LSP1: variants seen among roughly 807,000 people sequenced by gnomAD.
LSP1 encodes the protein lymphocyte specific protein 1, also known as lymphocyte-specific protein 1.
Under a neutral mutation model 49.3 loss-of-function variants are expected in LSP1, and 32 were observed. The observed-to-expected ratio is 0.65, with a 90% CI of 0.49 to 0.87. The LOEUF (loss-of-function observed/expected upper bound fraction) is 0.87. LSP1 is among the 40% of genes least tolerant of loss of function. The pLI is 0.00. For missense variants in LSP1, 428 were observed against 442.6 expected (o/e 0.97, Z 0.30); for synonymous variants, 179 against 178.8 (o/e 1.00, Z -0.01).
chr11:1,889,272 C>T (rs972647187), intron 10 of LSP1: 78 of 684,436 alleles, frequency 1.1e-4, no homozygotes, highest in Non-Finnish European at 1.7e-4. Context: ...GAAGCGAGGC[C>T]GGTACAGGAA....
At chr11:1,858,138 C>T (rs576507294) in intron 1 of LSP1, among the ~76,000 whole-genome samples, 17 of 152,336 alleles carry the variant, frequency 1.1e-4, no homozygotes, top group South Asian at 4.1e-4. Flanking sequence ...ATTTCACAGA[C>T]GGAAACCGAG....
chr11:1,867,923 G>T (rs533810243), intron 1 of LSP1, among the ~76,000 whole-genome samples: 2 of 152,034 alleles, frequency 1.3e-5, no homozygotes, highest in East Asian at 3.9e-4. Flanking sequence ...TCCAGGTCTG[G>T]CTGTACCCAG....
intron 1 of LSP1, among the ~76,000 whole-genome samples, chr11:1,872,095 C>T (rs1429093208): frequency 6.2e-4 from 76 of 122,742 alleles, no homozygotes; most frequent in South Asian, 1.4e-3. Context: ...GTCTGGCTGG[C>T]GTGGGCACTT....
intron 1 of LSP1, among the ~76,000 whole-genome samples, chr11:1,872,422 C>G (rs899016535): frequency 1.5e-5 from 2 of 133,654 alleles, no homozygotes; most frequent in African/African-American, 5.8e-5. Context: ...CAGGCCTGGG[C>G]TGCAGTCATC....
intron 10 of LSP1, chr11:1,889,483 C>T (rs1412623592): frequency 6.5e-6 from 4 of 619,822 alleles, no homozygotes; most frequent in Non-Finnish European, 1.2e-5. Context: ...GGGGTGGGCA[C>T]CTCTGGCTCC....
In LSP1 at chr11:1,870,808, C is replaced by T. The variant is rs558381242; in HGVS notation, c.54-9279C>T. On this transcript the variant is annotated intron_variant, in intron 1 of 10. Transcript: ENST00000311604. Reference sequence around the variant, plus strand: ...GGAAGGAAAGAGGATGGCAGAGCCTCGAGCCGTTGCCAGGGACTGGTTGCG... The same window carrying T: ...GGAAGGAAAGAGGATGGCAGAGCCTTGAGCCGTTGCCAGGGACTGGTTGCG... 25 of 987,838 alleles carry T rather than the reference C, an allele frequency of 2.5e-5. No homozygotes were observed. The South Asian group carries it at 7.4e-4, about 29-fold the overall frequency. The allele number at this position is 987,838 out of a possible 1,614,324, so 61.2% of individuals were successfully genotyped here.
At chr11:1,877,924 A>T (rs550583260) in intron 1 of LSP1, among the ~76,000 whole-genome samples, 1 of 152,114 alleles carries the variant, frequency 6.6e-6, no homozygotes, top group South Asian at 2.1e-4. Flanking sequence ...GCTTGCCCAT[A>T]GGGGTGGACC....
chr11:1,883,844 G>A (rs1468304542), intron 4 of LSP1, 88 bp from the exon 5 acceptor site: 4 of 1,263,022 alleles, frequency 3.2e-6, no homozygotes, highest in African/African-American at 3.0e-5. Context: ...GGCTCAGGAA[G>A]GAACAGCATT....
intron 10 of LSP1, chr11:1,889,473 G>A: frequency 1.6e-6 from 1 of 630,052 alleles, no homozygotes; most frequent in Non-Finnish European, 2.9e-6. Context: ...CTGCTCTGTG[G>A]GGGTGGGCAC....
At chr11:1,873,697 C>T (rs544716744) in intron 1 of LSP1, among the ~76,000 whole-genome samples, 82 of 151,738 alleles carry the variant, frequency 5.4e-4, no homozygotes, top group African/African-American at 1.9e-3. Context: ...AAGAATCATG[C>T]CCTGGGCCAT....
At chr11:1,883,861 C>G in intron 4 of LSP1, 71 bp from the exon 5 acceptor site, 1 of 1,379,832 alleles carries the variant, frequency 7.2e-7, no homozygotes, top group East Asian at 2.3e-5. Flanking sequence ...CATTTGTTCC[C>G]ACAGGTGCTG....
At chr11:1,861,797 G>T (rs968940784) in intron 1 of LSP1, among the ~76,000 whole-genome samples, 1 of 150,882 alleles carries the variant, frequency 6.6e-6, no homozygotes, top group Non-Finnish European at 1.5e-5. Flanking sequence ...ATGGATAGAT[G>T]GATGGATGAA....
At chr11:1,864,279 G>C in intron 1 of LSP1, 7 of 984,872 alleles carry the variant, frequency 7.1e-6, no homozygotes, top group Non-Finnish European at 8.4e-6. Context: ...AAGAACGGCC[G>C]ACGAAGGAGA....
chr11:1,881,425 C>T lies in LSP1; in HGVS notation c.192-7C>T, dbSNP rs1310152253. On this transcript the variant is annotated splice_polypyrimidine_tract_variant and splice_region_variant and intron_variant, in intron 2 of 10. Transcript: ENST00000311604. ...CCCAGGCCTAAGCTCCCCCCTGCTA[C>T]CCTCAGCCTCAGCCTGAAGCCCTCG... The T allele has an allele frequency of 2.6e-6, 4 of 1,564,194 alleles. No individual in the cohort carries two copies. The South Asian group carries it at 4.7e-5, about 18-fold the overall frequency.
At chr11:1,883,584 C>T (rs1848638097) in intron 4 of LSP1, 24 bp downstream of exon 4, 27 of 1,589,018 alleles carry the variant, frequency 1.7e-5, no homozygotes, top group Non-Finnish European at 2.3e-5. Context: ...CTCAGAGGGT[C>T]TGGGTGTACC....
chr11:1,867,102 G>A (rs1023999121), intron 1 of LSP1, among the ~76,000 whole-genome samples: 1 of 152,180 alleles, frequency 6.6e-6, no homozygotes, highest in Admixed American at 6.5e-5. Flanking sequence ...ACCTGGGGAG[G>A]AGACAGTGAG....
intron 1 of LSP1, chr11:1,866,838 G>A (rs1446638347): frequency 6.5e-7 from 1 of 1,548,744 alleles, no homozygotes; most frequent in South Asian, 1.2e-5. Flanking sequence ...GCTGTGCGGT[G>A]GCTCACCCCC....
At chr11:1,889,639 A>G in intron 10 of LSP1, 1 of 615,854 alleles carries the variant, frequency 1.6e-6, no homozygotes, top group Non-Finnish European at 3.0e-6. Flanking sequence ...GTAGGGGATG[A>G]GGCCCAGGCA....
intron 3 of LSP1, among the ~76,000 whole-genome samples, chr11:1,882,921 C>G (rs1848604987): frequency 6.6e-6 from 1 of 152,242 alleles, no homozygotes; most frequent in Non-Finnish European, 1.5e-5. Flanking sequence ...CCGGCAGCCC[C>G]TTGGCCCTGC....
Sources: allele counts gnomAD v4.1 joint callset (sites outside exome capture counted in the v4.1 genomes callset), GRCh38; gene constraint gnomAD v4.1.1; transcripts MANE v1.5; gene names NCBI Gene and HGNC (gene_info 2026-07-23, HGNC 2026-07-21).